The following TAOK1 variants were observed in gnomAD, a reference collection of about 807,000 sequenced individuals.
TAOK1 encodes the protein TAO kinase 1, also known as serine/threonine-protein kinase TAO1.
Under a neutral mutation model 138.3 loss-of-function variants are expected in TAOK1, and 21 were observed. The observed-to-expected ratio is 0.15, with a 90% CI of 0.11 to 0.22. The LOEUF is 0.22. Among genes scored for constraint, TAOK1 ranks in the 10% least tolerant of loss-of-function variants. TAOK1 has a pLI of 1.00. For missense variants in TAOK1, 651 were observed against 1,227.7 expected (o/e 0.53, Z 7.02); for synonymous variants, 361 against 398.4 (o/e 0.91, Z 1.12).
In TAOK1 at chr17:29,542,775, C is replaced by A; in HGVS notation, c.2759C>A (p.Pro920His). The change falls in exon 20 of 20, where the codon CCT becomes CAT. Residue 920 changes from proline (P) to histidine (H), a missense_variant. Pro to His is a moderately conservative substitution (Grantham distance 77, BLOSUM62 -2). This residue lies in a region of TAOK1 where 108 missense variants were observed against 120.3 expected (regional missense o/e 0.90). Transcript: ENST00000261716. ...WSHNPTGGPG[P>H]HWGHPMGGPP... The stretch of plus-strand genomic sequence containing the variant: ...CACAACCCTACTGGGGGTCCAGGAC[C>A]TCACTGGGGTCATCCCATGGGTGGC... 6.2e-7 allele frequency: 1 copy of A among 1,614,186 alleles called. No individual in the cohort carries two copies. Among genetic ancestry groups the A allele is most frequent in the Non-Finnish European group, 8.5e-7 (1 of 1,180,020 alleles).
chr17:29,529,457 T>C (rs928723230), intron 17 of TAOK1, among the ~76,000 whole-genome samples: 2 of 151,840 alleles, frequency 1.3e-5, no homozygotes, highest in Non-Finnish European at 2.9e-5. Flanking sequence ...AGGAGCTGGG[T>C]ATGGTGGCTG....
intron 16 of TAOK1, among the ~76,000 whole-genome samples, chr17:29,518,756 CTATT>C (rs58735347): frequency 5.6e-5 from 7 of 126,066 alleles, no homozygotes; most frequent in South Asian, 2.5e-4. Context: ...TTTACTTTAT[CTATT>C]TATTTATTTA....
intron 1 of TAOK1, among the ~76,000 whole-genome samples, chr17:29,394,910 C>T (rs536058325): frequency 1.3e-5 from 2 of 150,096 alleles, no homozygotes; most frequent in South Asian, 2.1e-4. Context: ...GCCTGGGCAA[C>T]ATAGCATGAC....
chr17:29,532,968 CGGG>C (rs2032148723), intron 18 of TAOK1, among the ~76,000 whole-genome samples: 1 of 104,052 alleles, frequency 9.6e-6, no homozygotes. Context: ...CCGGACGGGG[CGGG>C]TGGCCGGGCA....
intron 1 of TAOK1, among the ~76,000 whole-genome samples, chr17:29,440,721 A>C (rs372305104): frequency 3.3e-5 from 5 of 152,198 alleles, no homozygotes; most frequent in Admixed American, 6.5e-5. Flanking sequence ...GATTACAGGC[A>C]TGTGCCACCT....
In TAOK1 at chr17:29,460,285, G is replaced by A. The variant is rs139250248; in HGVS notation, c.133-6860G>A. On this transcript the variant is annotated intron_variant, in intron 2 of 19. Coordinates refer to ENST00000261716, the MANE Select transcript of TAOK1 (RefSeq NM_020791.4). ...CAGTTCACTGTAACCTTCACCTCCC[G>A]GGTTCATGCAATTCTTCTGGCTCAG... Among the ~76,000 whole-genome samples the A allele has an allele frequency of 4.7e-3, 717 of 152,190 alleles. 12 individuals are homozygous for A. The highest frequency in any genetic ancestry group is 0.017 in the African/African-American group (693 of 41,512).
chr17:29,391,167 T>G (rs1459677706), intron 1 of TAOK1, 143 bp downstream of exon 1: 1 of 151,940 alleles, frequency 6.6e-6, no homozygotes, highest in Non-Finnish European at 1.5e-5. Context: ...GTGGGTGGGG[T>G]GAAGAAGCTG....
In TAOK1 at chr17:29,551,113, A is replaced by G. The variant is rs1490635639; in HGVS notation, c.*8091A>G. 1 of 152,214 alleles carries G rather than the reference A, an allele frequency of 6.6e-6. No individual in the cohort carries two copies. Among genetic ancestry groups the G allele is most frequent in the African/African-American group, 2.4e-5 (1 of 41,450 alleles). The allele number at this position is 152,214 out of a possible 1,614,324, so 9.4% of individuals were successfully genotyped here. Reference sequence around the variant, plus strand: ...ACCAGCTGTGGTGGCTAAAGGGAATATGTTAATTAAGCAAGAGGTTCTTTT... The same window carrying G: ...ACCAGCTGTGGTGGCTAAAGGGAATGTGTTAATTAAGCAAGAGGTTCTTTT... On this transcript the variant is annotated 3_prime_UTR_variant, in exon 20 of 20. Coordinates refer to ENST00000261716, the MANE Select transcript of TAOK1 (RefSeq NM_020791.4).
intron 1 of TAOK1, among the ~76,000 whole-genome samples, chr17:29,403,518 A>G (rs1057348786): frequency 1.3e-5 from 2 of 152,128 alleles, no homozygotes; most frequent in African/African-American, 4.8e-5. Flanking sequence ...TTTGTATAGT[A>G]TATGTTGTTT....
intron 1 of TAOK1, among the ~76,000 whole-genome samples, chr17:29,430,104 C>T (rs1905777772): frequency 6.6e-6 from 1 of 152,004 alleles, no homozygotes; most frequent in South Asian, 2.1e-4. Flanking sequence ...GGTCATGACT[C>T]CAGGTTCTTG....
intron 6 of TAOK1, 145 bp from the exon 7 acceptor site, chr17:29,480,223 C>T (rs1390843308): frequency 2.2e-6 from 1 of 454,950 alleles, no homozygotes; most frequent in Non-Finnish European, 3.8e-6. Context: ...TATTAATTCT[C>T]CTTATCCCAA....
At chr17:29,401,992 C>A (rs896819948) in intron 1 of TAOK1, among the ~76,000 whole-genome samples, 1 of 152,196 alleles carries the variant, frequency 6.6e-6, no homozygotes, top group Non-Finnish European at 1.5e-5. Context: ...TTCTAATCTT[C>A]TGTCTCTGAA....
At chr17:29,457,475 G>A (rs1275882768) in intron 2 of TAOK1, among the ~76,000 whole-genome samples, 9 of 138,624 alleles carry the variant, frequency 6.5e-5, no homozygotes, top group Non-Finnish European at 1.1e-4. Context: ...GCGTGATCTC[G>A]GCTCACTGCA....
At chr17:29,391,756 G>A (rs1904438915) in intron 1 of TAOK1, among the ~76,000 whole-genome samples, 3 of 152,200 alleles carry the variant, frequency 2.0e-5, no homozygotes, top group African/African-American at 7.2e-5. Context: ...GGCCTCTCGA[G>A]AGGGACACCT....
chr17:29,408,120 T>G (rs1427946228), intron 1 of TAOK1, among the ~76,000 whole-genome samples: 1 of 152,058 alleles, frequency 6.6e-6, no homozygotes, highest in Non-Finnish European at 1.5e-5. Context: ...CCTTGCCATA[T>G]TGCCTAGGCT....
At chr17:29,403,930 G>C (rs1904921215) in intron 1 of TAOK1, 1 of 152,030 alleles carries the variant, frequency 6.6e-6, no homozygotes, top group Non-Finnish European at 1.5e-5. Flanking sequence ...CTCTAGAAAA[G>C]TACAAATAAT....
rs564892173 is a variant in TAOK1, at chr17:29,411,592, C to T, written c.-95+20568C>T. On this transcript the variant is annotated intron_variant, in intron 1 of 19. Transcript: ENST00000261716. Reference sequence around the variant, plus strand: ...TTTTGTGGTAGCGATGGTGTTTCACCGTGTTGGTCAAGCTGGTCTCAAACT... The same window carrying T: ...TTTTGTGGTAGCGATGGTGTTTCACTGTGTTGGTCAAGCTGGTCTCAAACT... 9.2e-5 allele frequency among the ~76,000 whole-genome samples: 14 copies of T among 151,614 alleles called. 1 individual carries two copies. The South Asian group carries it at 1.7e-3, about 18-fold the overall frequency.
At chr17:29,509,957 TC>T (rs1319478844) in intron 14 of TAOK1, among the ~76,000 whole-genome samples, 4 of 150,760 alleles carry the variant, frequency 2.7e-5, no homozygotes, top group Non-Finnish European at 4.4e-5. Context: ...GCTCAGGTGA[TC>T]CTCCCACCTC....
chr17:29,466,858 C>G (rs1487312935), intron 2 of TAOK1, among the ~76,000 whole-genome samples: 1 of 152,082 alleles, frequency 6.6e-6, no homozygotes, highest in Non-Finnish European at 1.5e-5. Flanking sequence ...ATTGCATTGT[C>G]TCTTTGTTTA....
Sources: allele counts gnomAD v4.1 joint callset (sites outside exome capture counted in the v4.1 genomes callset), GRCh38; gene constraint gnomAD v4.1.1; regional missense constraint gnomAD v4.1.1; transcripts MANE v1.5; gene names NCBI Gene and HGNC (gene_info 2026-07-23, HGNC 2026-07-21).